DOCK8: variants seen among roughly 807,000 people sequenced by gnomAD.
DOCK8 encodes the protein dedicator of cytokinesis 8.
Under a neutral mutation model 245.6 loss-of-function variants are expected in DOCK8, and 141 were observed. That is an observed-to-expected ratio of 0.57 (90% CI 0.50 to 0.66). The LOEUF (loss-of-function observed/expected upper bound fraction) is 0.66. Ranked by LOEUF, DOCK8 falls within the 30% of genes least tolerant of loss-of-function variation. The pLI, the probability that DOCK8 is intolerant of heterozygous loss-of-function variation, is 0.00. For synonymous variants in DOCK8, 1,168 were observed against 970.2 expected (o/e 1.20, Z -3.79); for missense variants, 2,965 against 2,603.4 (o/e 1.14, Z -3.02).
At chr9:371,170 G>GTTGTTTT (rs1554681866) in intron 16 of DOCK8, among the ~76,000 whole-genome samples, 25 of 151,414 alleles carry the variant, frequency 1.7e-4, no homozygotes, top group African/African-American at 4.4e-4. Flanking sequence ...GTGTGGGGGA[G>GTTGTTTT]TTGTTTTTTG....
chr9:374,203 C>T (rs948392959), intron 18 of DOCK8, among the ~76,000 whole-genome samples: 1 of 152,190 alleles, frequency 6.6e-6, no homozygotes, highest in African/African-American at 2.4e-5. Context: ...ATACCCTTAG[C>T]CTCTCTTAGT....
chr9:234,113 A>C (rs2047189745), intron 1 of DOCK8, among the ~76,000 whole-genome samples: 1 of 152,064 alleles, frequency 6.6e-6, no homozygotes, highest in South Asian at 2.1e-4. Context: ...ATCTCTCAGC[A>C]TTTGCTTGTC....
intron 1 of DOCK8, among the ~76,000 whole-genome samples, chr9:232,394 G>A (rs923146625): frequency 1.3e-5 from 2 of 152,168 alleles, no homozygotes; most frequent in African/African-American, 2.4e-5. Flanking sequence ...TTGGTATCAG[G>A]ATGATGCTGG....
At chr9:407,551 G>C (rs2055492727) in intron 28 of DOCK8, among the ~76,000 whole-genome samples, 1 of 152,114 alleles carries the variant, frequency 6.6e-6, no homozygotes, top group Non-Finnish European at 1.5e-5. Flanking sequence ...CACACATCCA[G>C]GGCTTCTGAA....
intron 24 of DOCK8, among the ~76,000 whole-genome samples, chr9:395,369 T>G (rs1379184474): frequency 6.6e-6 from 1 of 152,184 alleles, no homozygotes; most frequent in Non-Finnish European, 1.5e-5. Context: ...TTCTGTTTGT[T>G]TCCATGCTAA....
At chr9:394,666 G>C (rs1035133141) in intron 24 of DOCK8, among the ~76,000 whole-genome samples, 2 of 152,210 alleles carry the variant, frequency 1.3e-5, no homozygotes, top group African/African-American at 4.8e-5. Flanking sequence ...AGATAAATGG[G>C]TGACCTAGTT....
Position 399,154 on chromosome 9 carries a change from A to T in DOCK8, c.3129A>T (p.Glu1043Asp). Residue 1043 changes from glutamate (E) to aspartate (D), a missense_variant, in exon 26 of 48, where the codon GAA becomes GAT. By Grantham distance (45) the Glu-to-Asp change is conservative. This residue lies in a region of DOCK8 where 2,825 missense variants were observed against 2,453.5 expected (regional missense o/e 1.15). Coordinates refer to ENST00000432829, the MANE Select transcript of DOCK8 (RefSeq NM_203447.4). ...ALLVKPQKEN[E>D]QAEKMNISLA... ...GTTTGTTTGTTTTTAAGGAAAATGA[A>T]CAGGCGGAAAAGATGAACATCAGCC... The T allele has an allele frequency of 6.2e-7, 1 of 1,613,886 alleles. No individual in the cohort carries two copies. The highest frequency in any genetic ancestry group is 8.5e-7 in the Non-Finnish European group (1 of 1,179,934).
At chr9:339,453 T>G (rs1019750149) in intron 13 of DOCK8, among the ~76,000 whole-genome samples, 3 of 152,216 alleles carry the variant, frequency 2.0e-5, no homozygotes, top group Non-Finnish European at 2.9e-5. Context: ...ATCTTCCTTA[T>G]CCTCACTCGG....
rs577251790 is a variant in DOCK8, at chr9:337,549, TTTCAC to T, written c.1422+833_1422+837del. On this transcript the variant is annotated intron_variant, in intron 12 of 47. Transcript: ENST00000432829. ...TGGCTATTCATGTGCAAGTTTCCAC[TTTCAC>T]TACTGCTTGATGTGCAAGTTTCCAG... Among the ~76,000 whole-genome samples, 12 of 152,330 alleles carry T rather than the reference TTTCAC, an allele frequency of 7.9e-5. No individual in the cohort carries two copies. The East Asian group carries it at 2.1e-3, about 27-fold the overall frequency.
At position 286,574 on chromosome 9, in the gene DOCK8, C is replaced by T. The variant is rs1350372160; in HGVS notation, c.270C>T (p.Asp90=). Residue 90 remains aspartate (D), a synonymous_variant, in exon 3 of 48, where the codon GAC becomes GAT. Transcript: ENST00000432829. ...AGCTCGGGGACTTCACTGATGACGA[C>T]TTGGACGTGGTGTTCACGCCAAAGG... ...AQELGDFTDD[D]LDVVFTPKEC... is the part of the protein sequence containing the mutation. The T allele has an allele frequency of 1.9e-6, 3 of 1,613,886 alleles. No homozygotes were observed. In the African/African-American group the frequency reaches 4.0e-5, roughly 22 times the overall value.
chr9:414,307 A>G (rs1362315508), intron 28 of DOCK8, among the ~76,000 whole-genome samples: 1 of 152,370 alleles, frequency 6.6e-6, no homozygotes, highest in East Asian at 1.9e-4. Flanking sequence ...TGATGAATGG[A>G]TAAAATTCAC....
In DOCK8 at chr9:370,160, G is replaced by A. The variant is rs540122422; in HGVS notation, c.1798-70G>A. On this transcript the variant is annotated intron_variant, in intron 15 of 47. Transcript: ENST00000432829. Reference sequence around the variant, plus strand: ...TCTATGAGACCAGAACATCCTGTTGGCCTGATGATAGTCAATTTGATGTAC... The same window carrying A: ...TCTATGAGACCAGAACATCCTGTTGACCTGATGATAGTCAATTTGATGTAC... 7.6e-5 allele frequency: 99 copies of A among 1,303,476 alleles called. 2 individuals carry two copies. In the South Asian group the frequency reaches 1.1e-3, roughly 15 times the overall value. 80.7% of individuals were successfully genotyped at this position (1,303,476 alleles called of 1,614,324 possible).
chr9:238,769 T>C (rs903792146), intron 1 of DOCK8, among the ~76,000 whole-genome samples: 3 of 152,210 alleles, frequency 2.0e-5, no homozygotes, highest in Non-Finnish European at 2.9e-5. Flanking sequence ...ATATTAAACA[T>C]TGAAATAAAT....
Position 434,972 on chromosome 9 carries a change from C to G in DOCK8, c.5076C>G (p.Phe1692Leu). 6.2e-7 allele frequency: 1 copy of G among 1,612,506 alleles called. No homozygotes were observed. The highest frequency in any genetic ancestry group is 1.1e-5 in the South Asian group (1 of 91,008). The change falls in exon 39 of 48, where the codon TTC (phenylalanine) becomes TTG (leucine). Residue 1692 changes from phenylalanine (F) to leucine (L), a missense_variant. Coordinates refer to ENST00000432829, the MANE Select transcript of DOCK8 (RefSeq NM_203447.4). ...ACCTGCCCGTGGGCAGTGTCAGCTT[C>G]CAGGTAGGGTGTGTGCAGCTTTTCC... ...HSYLPVGSVS[F>L]QNISSNVLEE...
intron 14 of DOCK8, among the ~76,000 whole-genome samples, chr9:344,954 A>G (rs113103969): frequency 0.13 from 19,018 of 152,134 alleles, 1,472 homozygotes; most frequent in African/African-American, 0.19. Context: ...CAGGAGGCTG[A>G]GGCGGGAGAA....
chr9:272,985 T>C (rs141137859), intron 2 of DOCK8: 8 of 963,222 alleles, frequency 8.3e-6, no homozygotes, highest in East Asian at 1.1e-4. Flanking sequence ...TTTCTACTTA[T>C]TACTTCGAAA....
chr9:304,817 A>C, intron 5 of DOCK8, 113 bp downstream of exon 5: 1 of 1,456,390 alleles, frequency 6.9e-7, no homozygotes, highest in Non-Finnish European at 9.6e-7. Flanking sequence ...TTTGAGTAGG[A>C]GGAACTTTAC....
intron 9 of DOCK8, among the ~76,000 whole-genome samples, chr9:328,406 A>C (rs1343888077): frequency 1.3e-5 from 2 of 152,240 alleles, no homozygotes; most frequent in African/African-American, 4.8e-5. Context: ...CAACCTAGTA[A>C]TTAAATGGCA....
intron 8 of DOCK8, among the ~76,000 whole-genome samples, chr9:326,839 G>A (rs2050786398): frequency 6.6e-6 from 1 of 152,186 alleles, no homozygotes; most frequent in African/African-American, 2.4e-5. Context: ...ATTCACTGGA[G>A]AGAATTGAGT....
Sources: allele counts gnomAD v4.1 joint callset (sites outside exome capture counted in the v4.1 genomes callset), GRCh38; gene constraint gnomAD v4.1.1; regional missense constraint gnomAD v4.1.1; transcripts MANE v1.5; gene names NCBI Gene and HGNC (gene_info 2026-07-23, HGNC 2026-07-21).